Variants in DMD observed in about 807,000 individuals in gnomAD.
DMD encodes the protein mutant dystrophin.
DMD carries 63 observed loss-of-function variants against 330.1 expected under a neutral mutation model. The ratio of observed to expected loss-of-function variants is 0.19; its 90% CI spans 0.16 to 0.24. The LOEUF (loss-of-function observed/expected upper bound fraction) is 0.24. Ranked by LOEUF, DMD falls within the 10% of genes least tolerant of loss-of-function variation. The pLI is 1.00. For missense variants in DMD, 3,344 were observed against 2,684.1 expected, an observed-to-expected ratio of 1.25 and a Z score of -5.43; for synonymous variants, 1,223 against 959.8, an observed-to-expected ratio of 1.27 and a Z score of -5.07.
At chrX:32,963,630 C>T (rs2091991935) in intron 2 of DMD, among the ~76,000 whole-genome samples, 1 of 112,413 alleles carries the variant, frequency 8.9e-6, no homozygotes, top group Non-Finnish European at 1.9e-5. Context: ...TGCTTTACTG[C>T]TTCCTTGTTA....
intron 44 of DMD, among the ~76,000 whole-genome samples, chrX:32,055,358 C>A (rs2096161575): frequency 8.9e-6 from 1 of 111,856 alleles, no homozygotes; most frequent in Admixed American, 9.5e-5. Flanking sequence ...AGAATATTTT[C>A]AAAACGATGT....
intron 48 of DMD, among the ~76,000 whole-genome samples, chrX:31,867,680 G>A (rs1160165128): frequency 1.8e-5 from 2 of 111,249 alleles, no homozygotes; most frequent in Non-Finnish European, 1.9e-5. Context: ...CTAGGTTATA[G>A]TTGTATGGGT....
chrX:31,125,632 G>C (rs999001200), intron 78 of DMD, among the ~76,000 whole-genome samples: 13 of 111,407 alleles, frequency 1.2e-4, no homozygotes, highest in African/African-American at 4.2e-4. Flanking sequence ...TTTTACTTGG[G>C]CTGTCAGTTA....
intron 2 of DMD, among the ~76,000 whole-genome samples, chrX:32,865,102 A>T (rs1569536354): frequency 8.9e-6 from 1 of 111,768 alleles, no homozygotes; most frequent in Non-Finnish European, 1.9e-5. Context: ...CTGATAAATT[A>T]CATAGCACTT....
chrX:32,498,003 A>G (rs2043667271), intron 19 of DMD, among the ~76,000 whole-genome samples: 1 of 112,170 alleles, frequency 8.9e-6, no homozygotes, highest in East Asian at 2.8e-4. Context: ...TAAGAAATGT[A>G]AAAATAAACC....
intron 57 of DMD, among the ~76,000 whole-genome samples, chrX:31,496,404 C>T (rs1035607872): frequency 5.4e-5 from 6 of 111,891 alleles, no homozygotes; most frequent in Non-Finnish European, 7.5e-5. Flanking sequence ...AAATAACACA[C>T]GCCTGATATT....
intron 9 of DMD, among the ~76,000 whole-genome samples, chrX:32,658,405 G>C (rs1000898608): frequency 1.8e-5 from 2 of 111,065 alleles, no homozygotes; most frequent in East Asian, 5.7e-4. Flanking sequence ...GACCACTAAA[G>C]ACCAGATGCC....
At chrX:32,464,906 G>C (rs1181049650) in intron 23 of DMD, among the ~76,000 whole-genome samples, 1 of 111,828 alleles carries the variant, frequency 8.9e-6, no homozygotes, top group Non-Finnish European at 1.9e-5. Flanking sequence ...GTCTGCTATT[G>C]TTAAAAATAC....
At chrX:32,668,064 G>A (rs900135859) in intron 9 of DMD, among the ~76,000 whole-genome samples, 1 of 110,470 alleles carries the variant, frequency 9.1e-6, no homozygotes, top group Admixed American at 9.6e-5. Context: ...CAGAAGAATC[G>A]CTTGAGCCCA....
intron 63 of DMD, among the ~76,000 whole-genome samples, chrX:31,250,568 T>C (rs188847482): frequency 1.8e-5 from 2 of 112,377 alleles, no homozygotes; most frequent in African/African-American, 6.5e-5. Flanking sequence ...CAAAATATGG[T>C]CTTTCACAAG....
At chrX:32,121,729 C>A (rs1357088306) in intron 44 of DMD, among the ~76,000 whole-genome samples, 1 of 88,233 alleles carries the variant, frequency 1.1e-5, no homozygotes, top group African/African-American at 4.3e-5. Context: ...TGGAAGGAGT[C>A]AAAAAAAATG....
chrX:33,301,381 TA>T (rs1453669363), intron 1 of DMD, among the ~76,000 whole-genome samples: 1 of 101,024 alleles, frequency 9.9e-6, no homozygotes, highest in Non-Finnish European at 2.0e-5. Context: ...CTTCATGGTA[TA>T]TTTTTTTTTA....
intron 47 of DMD, among the ~76,000 whole-genome samples, chrX:31,898,168 A>G (rs1202800492): frequency 2.7e-5 from 3 of 110,538 alleles, no homozygotes; most frequent in Non-Finnish European, 3.8e-5. Context: ...AGGAAGAATC[A>G]ATATCGTGAA....
intron 1 of DMD, among the ~76,000 whole-genome samples, chrX:33,130,235 T>G (rs140889376): frequency 9.0e-6 from 1 of 111,664 alleles, no homozygotes; most frequent in Admixed American, 9.5e-5. Flanking sequence ...GATAACACAG[T>G]ACAAATACGC....
At chrX:32,629,227 A>T (rs1187146186) in intron 11 of DMD, among the ~76,000 whole-genome samples, 7 of 111,433 alleles carry the variant, frequency 6.3e-5, no homozygotes, top group African/African-American at 2.3e-4. Context: ...TACAATTGTT[A>T]TGTCCTCTTG....
intron 44 of DMD, among the ~76,000 whole-genome samples, chrX:32,055,400 G>C (rs981556959): frequency 8.9e-6 from 1 of 111,899 alleles, no homozygotes; most frequent in African/African-American, 3.2e-5. Context: ...GATTCAAAAA[G>C]CATATTTAAA....
At chrX:31,335,450 T>A (rs940236473) in intron 61 of DMD, among the ~76,000 whole-genome samples, 7 of 112,336 alleles carry the variant, frequency 6.2e-5, no homozygotes, top group African/African-American at 2.3e-4. Context: ...GCAGGCCCTA[T>A]GCCCTTAAAG....
chrX:33,315,442 G>A lies in DMD; in HGVS notation c.7+23817C>T, dbSNP rs145220668. On this transcript the variant is annotated intron_variant, in intron 1 of 17. Transcript: ENST00000288447. ...AAAGTCAGCCATGTGAGTGTTCCAT[G>A]CCTACTACAAACTCCAATACAATTC... 2.6e-3 allele frequency among the ~76,000 whole-genome samples: 291 copies of A among 111,869 alleles called. 8 individuals are homozygous for A. In the East Asian group the frequency reaches 0.069, roughly 27 times the overall value.
At chrX:32,598,636 T>C (rs1012000834) in intron 12 of DMD, among the ~76,000 whole-genome samples, 1 of 112,160 alleles carries the variant, frequency 8.9e-6, no homozygotes, top group African/African-American at 3.2e-5. Flanking sequence ...AAACATTGGA[T>C]CCATGGAATG....
Sources: gnomAD v4.1 joint callset for allele counts (sites outside exome capture counted in the v4.1 genomes callset) on GRCh38, gnomAD v4.1.1 for gene constraint, MANE v1.5 for transcripts, NCBI Gene and HGNC (gene_info 2026-07-23, HGNC 2026-07-21) for gene names.